Variants in HTR1A observed in about 807,000 individuals in gnomAD.
The protein encoded by HTR1A is 5-HT1a receptor.
In HTR1A, 17 loss-of-function variants were observed where a neutral mutation model predicts 24.6. The observed-to-expected ratio is 0.69, with a 90% confidence interval of 0.47 to 1.04. HTR1A has a LOEUF of 1.04. HTR1A is among the 50% of genes least tolerant of loss of function. The pLI, the probability that HTR1A is intolerant of heterozygous loss-of-function variation, is 0.00. For synonymous variants in HTR1A, 262 were observed against 244.6 expected (o/e 1.07, Z -0.67); for missense variants, 515 against 565.1 (o/e 0.91, Z 0.90).
rs1038135810 is a variant in HTR1A, at chr5:63,959,576, G to A, written c.*875C>T. On this transcript the variant is annotated 3_prime_UTR_variant, in exon 1 of 1. Coordinates refer to ENST00000323865, the MANE Select transcript of HTR1A (RefSeq NM_000524.4). ...CTCGCCAGCTACCTGTACAAACAGC[G>A]TCCGCTCTCTCCACTGTATGATTGT... is the stretch of plus-strand genomic sequence containing the variant. Among the ~76,000 whole-genome samples, 7 of 152,242 alleles carry A rather than the reference G, an allele frequency of 4.6e-5. No individual in the cohort carries two copies.
Position 63,960,978 on chromosome 5 carries a change from G to T in HTR1A, c.742C>A (p.Pro248Thr), listed in dbSNP as rs1468561116. ...ADTRHGASPA[P>T]QPKKSVNGES... ...CCATTCACACTCTTCTTGGGCTGCG[G>T]GGCGGGAGATGCTCCATGGCGGGTG... The change falls in exon 1 of 1, where the codon CCG becomes ACG. Residue 248 changes from proline to threonine, a missense_variant. Pro to Thr is a conservative substitution (Grantham distance 38, BLOSUM62 -1). Coordinates refer to ENST00000323865, the MANE Select transcript of HTR1A (RefSeq NM_000524.4). The T allele has an allele frequency of 1.2e-6, 2 of 1,614,206 alleles. No individual in the cohort carries two copies. Among genetic ancestry groups the T allele is most frequent in the Admixed American group, 3.3e-5 (2 of 60,034 alleles).
rs1746354042 is a variant in HTR1A, at chr5:63,958,289, C to G, written c.*2162G>C. Among the ~76,000 whole-genome samples, 2 of 152,200 alleles carry G rather than the reference C, an allele frequency of 1.3e-5. No homozygotes were observed. On this transcript the variant is annotated 3_prime_UTR_variant, in exon 1 of 1. Transcript: ENST00000323865. Reference sequence around the variant, plus strand: ...ACTGCAGACCCTTCTCAGCATTATACATGCATAGACAAACTATTCCCAAAG... The same window carrying G: ...ACTGCAGACCCTTCTCAGCATTATAGATGCATAGACAAACTATTCCCAAAG...
At position 63,961,164 on chromosome 5, in the gene HTR1A, C is replaced by G; in HGVS notation, c.556G>C (p.Ala186Pro). ...CCATGATCCTTGCTAATGGTGCATG[C>G]GTCGGGGTCCGAGCGGTCTTCCGGG... ...RTPEDRSDPD[A>P]CTISKDHGYT... The change falls in exon 1 of 1, where the codon GCA becomes CCA. Residue 186 changes from alanine to proline, a missense_variant. Ala to Pro is a conservative substitution (Grantham distance 27). Around this residue, in one of 3 missense-constraint regions of HTR1A, gnomAD observed 381 missense variants for 384.5 expected, o/e 0.99. Transcript: ENST00000323865. 6.2e-7 allele frequency: 1 copy of G among 1,614,162 alleles called. No individual in the cohort carries two copies. The highest frequency in any genetic ancestry group is 8.5e-7 in the Non-Finnish European group (1 of 1,180,042).
Position 63,962,397 on chromosome 5 carries a change from C to G in HTR1A, c.-678G>C, listed in dbSNP as rs1202864735. 4 of 158,938 alleles carry G rather than the reference C, an allele frequency of 2.5e-5. No individual in the cohort carries two copies. The highest frequency in any genetic ancestry group is 5.9e-5 in the Admixed American group (1 of 17,050). 9.8% of individuals were successfully genotyped at this position (158,938 alleles called of 1,614,324 possible). ...CCTCTTTCCTCTGGGTCCCCGCCCT[C>G]CTCTCCCTCTAGCTCAGCGTCTTTG... On this transcript the variant is annotated 5_prime_UTR_variant, in exon 1 of 1. Coordinates refer to ENST00000323865, the MANE Select transcript of HTR1A (RefSeq NM_000524.4).
Position 63,960,720 on chromosome 5 carries a change from T to G in HTR1A, c.1000A>C (p.Lys334Gln), listed in dbSNP as rs181835946. Reference sequence around the variant, plus strand: ...TTCCTCTCTCGGGCCAGGGCCATCTTGCGCTTCGCCTCGGCGTTGCGCTCA... The same window carrying G: ...TTCCTCTCTCGGGCCAGGGCCATCTGGCGCTTCGCCTCGGCGTTGCGCTCA... Reference protein sequence around the residue: ...KNERNAEAKRKMALARERKTV... With the variant: ...KNERNAEAKRQMALARERKTV... Residue 334 changes from lysine (K) to glutamine (Q), a missense_variant, in exon 1 of 1, where the codon AAG (lysine) becomes CAG (glutamine). Physicochemically the swap from Lys to Gln is moderately conservative, Grantham distance 53. Transcript: ENST00000323865. 811 of 1,614,246 alleles carry G rather than the reference T, an allele frequency of 5.0e-4. No homozygotes were observed. Among genetic ancestry groups the G allele is most frequent in the Admixed American group, 9.3e-4 (56 of 60,036 alleles).
At position 63,959,899 on chromosome 5, in the gene HTR1A, G is replaced by C. The variant is rs1312078544; in HGVS notation, c.*552C>G. On this transcript the variant is annotated 3_prime_UTR_variant, in exon 1 of 1. Coordinates refer to ENST00000323865, the MANE Select transcript of HTR1A (RefSeq NM_000524.4). ...AGCAGATTCGTGCATAAGGATGGGC[G>C]AGGGCAGAGAGGGAAGCAATGAAAA... Among the ~76,000 whole-genome samples, 1 of 152,174 alleles carries C rather than the reference G, an allele frequency of 6.6e-6. No homozygotes were observed. Among genetic ancestry groups the C allele is most frequent in the Admixed American group, 6.5e-5 (1 of 15,280 alleles).
At position 63,961,787 on chromosome 5, in the gene HTR1A, C is replaced by G; in HGVS notation, c.-68G>C. On this transcript the variant is annotated 5_prime_UTR_variant, in exon 1 of 1. Transcript: ENST00000323865. ...GCGCGAAGATTCGCCTCGCCCCTTC[C>G]CCTGGGGTCTTCCGCCCTTCTCCTG... 1.3e-6 allele frequency: 2 copies of G among 1,518,038 alleles called. No individual in the cohort carries two copies. The highest frequency in any genetic ancestry group is 1.8e-6 in the Non-Finnish European group (2 of 1,095,742). The allele number at this position is 1,518,038 out of a possible 1,614,324, so 94.0% of individuals were successfully genotyped here.
chr5:63,961,057 AGC>A lies in HTR1A; in HGVS notation c.661_662del (p.Ala221CysfsTer64). 6.2e-7 allele frequency: 1 copy of A among 1,614,226 alleles called. No homozygotes were observed. The highest frequency in any genetic ancestry group is 8.5e-7 in the Non-Finnish European group (1 of 1,180,046). ...CCGTCTTGCGGATGCGGAAGCGCGC[AGC>A]TCGGAATATGCGCCCATAGAGAACC... is the stretch of plus-strand genomic sequence containing the variant. ...MLVLYGRIFR[A>X]ARFRIRKTVK... On this transcript the variant is annotated frameshift_variant, in exon 1 of 1. Coordinates refer to ENST00000323865, the MANE Select transcript of HTR1A (RefSeq NM_000524.4). LOFTEE classifies it high-confidence loss of function.
In HTR1A at chr5:63,958,541, G is replaced by C. The variant is rs1460924179; in HGVS notation, c.*1910C>G. The stretch of plus-strand genomic sequence containing the variant: ...CTCAAAACAGCAAATGAAAACATTC[G>C]AAAGGTACAGCTGAAGAGAGAAAAG... On this transcript the variant is annotated 3_prime_UTR_variant, in exon 1 of 1. Transcript: ENST00000323865. 6.6e-6 allele frequency among the ~76,000 whole-genome samples: 1 copy of C among 152,132 alleles called. No individual in the cohort carries two copies. Among genetic ancestry groups the C allele is most frequent in the African/African-American group, 2.4e-5 (1 of 41,424 alleles).
In HTR1A at chr5:63,961,099, C is replaced by G; in HGVS notation, c.621G>C (p.Pro207=). 6.2e-7 allele frequency: 1 copy of G among 1,614,246 alleles called. No individual in the cohort carries two copies. Among genetic ancestry groups the G allele is most frequent in the Non-Finnish European group, 8.5e-7 (1 of 1,180,048 alleles). The stretch of plus-strand genomic sequence containing the variant: ...CATAGAGAACCAGCATGAGCAGCAG[C>G]GGGATGTAGAAAGCTCCAAAGGTGG... ...IYSTFGAFYI[P]LLLMLVLYGR... is the part of the protein sequence containing the mutation. The change falls in exon 1 of 1, where the codon CCG becomes CCC. Residue 207 remains proline (P), a synonymous_variant. Transcript: ENST00000323865.
chr5:63,962,010 G>C lies in HTR1A; in HGVS notation c.-291C>G, dbSNP rs932273400. The C allele has an allele frequency of 2.0e-6, 1 of 508,572 alleles. No individual in the cohort carries two copies. Among genetic ancestry groups the C allele is most frequent in the Non-Finnish European group, 3.6e-6 (1 of 278,790 alleles). The allele number at this position is 508,572 out of a possible 1,614,324, so 31.5% of individuals were successfully genotyped here. On this transcript the variant is annotated 5_prime_UTR_variant, in exon 1 of 1. Transcript: ENST00000323865. ...CCGGCGGCGGAGAGGTGGCTGGAACGTCTGTCTGTCGCTGTCCATTTTACT... is the reference window on the plus strand; with the variant it reads ...CCGGCGGCGGAGAGGTGGCTGGAACCTCTGTCTGTCGCTGTCCATTTTACT...
At position 63,961,639 on chromosome 5, in the gene HTR1A, AC is replaced by A; in HGVS notation, c.80del (p.Gly27ValfsTer5). The A allele has an allele frequency of 6.2e-7, 1 of 1,613,874 alleles. No individual in the cohort carries two copies. The highest frequency in any genetic ancestry group is 8.5e-7 in the Non-Finnish European group (1 of 1,180,030). ...APFETGGNTT[G>X]ISDVTVSYQV... The stretch of plus-strand genomic sequence containing the variant: ...GGTAGCTGACGGTCACGTCGGAGAT[AC>A]CAGTAGTGTTGCCGCCGGTCTCAAA... On this transcript the variant is annotated frameshift_variant, in exon 1 of 1. Coordinates refer to ENST00000323865, the MANE Select transcript of HTR1A (RefSeq NM_000524.4). LOFTEE classifies it high-confidence loss of function.
chr5:63,962,324 T>C lies in HTR1A; in HGVS notation c.-605A>G. The C allele has an allele frequency of 6.0e-6, 1 of 166,044 alleles. No homozygotes were observed. Among genetic ancestry groups the C allele is most frequent in the Non-Finnish European group, 1.3e-5 (1 of 75,482 alleles). The allele number at this position is 166,044 out of a possible 1,614,324, so 10.3% of individuals were successfully genotyped here. A position where few individuals can be genotyped will look rare whatever the true frequency, so the allele number is the denominator to read the frequency against. ...CGCTTCGAAAGCCAGGCTCCTTCCC[T>C]CCCACTCTAACCCTCCCCTCCTAAT... On this transcript the variant is annotated 5_prime_UTR_variant, in exon 1 of 1. Transcript: ENST00000323865.
rs1198079810 is a variant in HTR1A, at chr5:63,960,795, TG to T, written c.924del (p.Ser309AlafsTer36). 6.2e-7 allele frequency: 1 copy of T among 1,614,010 alleles called. No individual in the cohort carries two copies. Among genetic ancestry groups the T allele is most frequent in the Non-Finnish European group, 8.5e-7 (1 of 1,179,976 alleles). On this transcript the variant is annotated frameshift_variant, in exon 1 of 1. Coordinates refer to ENST00000323865, the MANE Select transcript of HTR1A (RefSeq NM_000524.4). LOFTEE classifies it high-confidence loss of function. ...VGNSKEHLPL[P>X]SEAGPTPCAP... The stretch of plus-strand genomic sequence containing the variant: ...GCACAAGGGGTAGGACCAGCCTCGC[TG>T]GGCAGAGGCAAGTGCTCTTTGGAGT...
At position 63,960,389 on chromosome 5, in the gene HTR1A, G is replaced by A; in HGVS notation, c.*62C>T. The A allele has an allele frequency of 6.7e-7, 1 of 1,496,894 alleles. No homozygotes were observed. 92.7% of individuals were successfully genotyped at this position (1,496,894 alleles called of 1,614,324 possible). A position where few individuals can be genotyped will look rare whatever the true frequency, so the allele number is the denominator to read the frequency against. Reference sequence around the variant, plus strand: ...TCTTAAGTGTTGATTCCCTAGGGTTGGGGGAAGCATAGTGAATGGGACGGA... The same window carrying A: ...TCTTAAGTGTTGATTCCCTAGGGTTAGGGGAAGCATAGTGAATGGGACGGA... On this transcript the variant is annotated 3_prime_UTR_variant, in exon 1 of 1. Transcript: ENST00000323865.
rs1027562330 is a variant in HTR1A, at chr5:63,961,791, G to A, written c.-72C>T. ...GAAGATTCGCCTCGCCCCTTCCCCT[G>A]GGGTCTTCCGCCCTTCTCCTGGGAA... On this transcript the variant is annotated 5_prime_UTR_variant, in exon 1 of 1. Transcript: ENST00000323865. 7 of 1,493,570 alleles carry A rather than the reference G, an allele frequency of 4.7e-6. No homozygotes were observed. The Admixed American group carries it at 1.0e-4, about 22-fold the overall frequency. 92.5% of individuals were successfully genotyped at this position (1,493,570 alleles called of 1,614,324 possible).
Position 63,959,097 on chromosome 5 carries a change from A to C in HTR1A, c.*1354T>G, listed in dbSNP as rs904996486. Among the ~76,000 whole-genome samples the C allele has an allele frequency of 3.9e-5, 6 of 152,218 alleles. No individual in the cohort carries two copies. The highest frequency in any genetic ancestry group is 1.4e-4 in the African/African-American group (6 of 41,456). On this transcript the variant is annotated 3_prime_UTR_variant, in exon 1 of 1. Coordinates refer to ENST00000323865, the MANE Select transcript of HTR1A (RefSeq NM_000524.4). Reference sequence around the variant, plus strand: ...ATGCAGCGAGTGTTGGGACACGCTAAACAGAATTATTCCCCGATCCAAAAA... The same window carrying C: ...ATGCAGCGAGTGTTGGGACACGCTACACAGAATTATTCCCCGATCCAAAAA...
rs974980016 is a variant in HTR1A, at chr5:63,960,540, G to A, written c.1180C>T (p.Leu394=). ...IINWLGYSNS[L]LNPVIYAYFN... is the part of the protein sequence containing the mutation. ...TATGCGTAAATGACGGGGTTAAGCA[G>A]AGAGTTGGAGTAGCCCAGCCAATTG... is the stretch of plus-strand genomic sequence containing the variant. The change falls in exon 1 of 1, where the codon CTG becomes TTG. Residue 394 remains leucine, a synonymous_variant. Coordinates refer to ENST00000323865, the MANE Select transcript of HTR1A (RefSeq NM_000524.4). The A allele has an allele frequency of 3.1e-6, 5 of 1,614,130 alleles. No individual in the cohort carries two copies. Among genetic ancestry groups the A allele is most frequent in the Non-Finnish European group, 4.2e-6 (5 of 1,180,054 alleles).
At position 63,961,794 on chromosome 5, in the gene HTR1A, G is replaced by T. The variant is rs372597998; in HGVS notation, c.-75C>A. ...GATTCGCCTCGCCCCTTCCCCTGGG[G>T]TCTTCCGCCCTTCTCCTGGGAAGTT... is the stretch of plus-strand genomic sequence containing the variant. On this transcript the variant is annotated 5_prime_UTR_variant, in exon 1 of 1. Coordinates refer to ENST00000323865, the MANE Select transcript of HTR1A (RefSeq NM_000524.4). 323 of 1,479,484 alleles carry T rather than the reference G, an allele frequency of 2.2e-4. No homozygotes were observed. In the South Asian group the frequency reaches 3.5e-3, roughly 16 times the overall value. 91.6% of individuals were successfully genotyped at this position (1,479,484 alleles called of 1,614,324 possible).
Sources: gnomAD v4.1 joint callset for allele counts (sites outside exome capture counted in the v4.1 genomes callset) on GRCh38, gnomAD v4.1.1 for gene constraint, gnomAD v4.1.1 regional missense constraint, MANE v1.5 for transcripts, NCBI Gene and HGNC (gene_info 2026-07-23, HGNC 2026-07-21) for gene names.